The following CD99L2 variants were observed in gnomAD, a reference collection of about 807,000 sequenced individuals.
The protein encoded by CD99L2 is CD99 molecule like 2, also known as CD99 antigen-like protein 2.
A neutral mutation model predicts 27.3 loss-of-function variants in CD99L2; 24 were observed. The observed-to-expected ratio is 0.88, with a 90% CI of 0.64 to 1.24. The LOEUF is 1.24. Ranked by LOEUF, CD99L2 falls within the 50% of genes most tolerant of loss-of-function variation. The pLI, the probability that CD99L2 is intolerant of heterozygous loss-of-function variation, is 0.00. For synonymous variants in CD99L2, 97 were observed against 87.9 expected, an observed-to-expected ratio of 1.10 and a Z score of -0.58; for missense variants, 255 against 221.6, an observed-to-expected ratio of 1.15 and a Z score of -0.96.
intron 9 of CD99L2, among the ~76,000 whole-genome samples, chrX:150,771,522 G>A (rs1557419070): frequency 2.7e-5 from 3 of 111,552 alleles, no homozygotes; most frequent in Non-Finnish European, 3.8e-5. Flanking sequence ...GGCCCTCTAT[G>A]TGCTCCCCAG....
At chrX:150,827,766 G>C (rs999818834) in intron 2 of CD99L2, among the ~76,000 whole-genome samples, 1 of 111,739 alleles carries the variant, frequency 8.9e-6, no homozygotes, top group Admixed American at 9.5e-5. Flanking sequence ...ACTTCTAAGA[G>C]ACTTATACTT....
intron 1 of CD99L2, among the ~76,000 whole-genome samples, chrX:150,891,842 A>C (rs782352339): frequency 8.9e-6 from 1 of 112,035 alleles, no homozygotes; most frequent in Non-Finnish European, 1.9e-5. Flanking sequence ...TCCAGTCTGG[A>C]TTGGGGGACA....
At chrX:150,817,369 CAT>C (rs1302933482) in intron 2 of CD99L2, among the ~76,000 whole-genome samples, 1 of 110,378 alleles carries the variant, frequency 9.1e-6, no homozygotes, top group Non-Finnish European at 1.9e-5. Context: ...ATAAAGTTAA[CAT>C]ATTAAGATCC....
chrX:150,794,690 T>A (rs1422834080), intron 6 of CD99L2, among the ~76,000 whole-genome samples: 1 of 111,452 alleles, frequency 9.0e-6, no homozygotes, highest in Non-Finnish European at 1.9e-5. Context: ...ATCTGAAAAG[T>A]CTGTGAAAAT....
intron 4 of CD99L2, among the ~76,000 whole-genome samples, chrX:150,796,456 TCCTGAATGTGTGTGCAC>T (rs1203811472): frequency 8.9e-6 from 1 of 112,584 alleles, no homozygotes; most frequent in Non-Finnish European, 1.9e-5. Flanking sequence ...GACGTAACAA[TCCTGAATGTGTGTGCAC>T]CTAACAATAG....
At chrX:150,786,472 G>A (rs928633699) in intron 7 of CD99L2, among the ~76,000 whole-genome samples, 1 of 111,352 alleles carries the variant, frequency 9.0e-6, no homozygotes, top group African/African-American at 3.3e-5. Context: ...AGAACATGTG[G>A]TATCTGGTTT....
intron 2 of CD99L2, chrX:150,818,908 T>C (rs2046205432): frequency 5.4e-6 from 2 of 372,592 alleles, no homozygotes; most frequent in African/African-American, 2.6e-5. Flanking sequence ...GGGTTCTTAC[T>C]TTCCTAGAAT....
At chrX:150,777,632 G>A (rs782166170) in intron 7 of CD99L2, 150 bp from the exon 8 acceptor site, 283 of 557,417 alleles carry the variant, frequency 5.1e-4, no homozygotes, top group Non-Finnish European at 7.5e-4. Flanking sequence ...GCTTCTACTG[G>A]ACTGCAATGA....
intron 4 of CD99L2, among the ~76,000 whole-genome samples, chrX:150,808,219 T>C (rs189669546): frequency 6.7e-4 from 75 of 112,748 alleles, no homozygotes; most frequent in African/African-American, 2.4e-3. Context: ...CTGACCTGAA[T>C]GAAAACATAC....
intron 1 of CD99L2, among the ~76,000 whole-genome samples, chrX:150,892,605 CAAAAAAAAAAAAAA>C (rs782464097): frequency 0.026 from 795 of 30,235 alleles, 18 homozygotes; most frequent in African/African-American, 0.086. Context: ...GACTCTGTCT[CAAAAAAAAAAAAAA>C]AAAAAAAAAA....
chrX:150,792,408 C>T (rs2045705153), intron 7 of CD99L2, among the ~76,000 whole-genome samples: 1 of 111,763 alleles, frequency 8.9e-6, no homozygotes, highest in Non-Finnish European at 1.9e-5. Context: ...CTGGATTTGC[C>T]CTTTAAATGT....
chrX:150,822,798 T>C (rs1376070842), intron 2 of CD99L2, among the ~76,000 whole-genome samples: 1 of 112,458 alleles, frequency 8.9e-6, no homozygotes, highest in African/African-American at 3.2e-5. Context: ...AATTTTACAT[T>C]GTATGATTTT....
At chrX:150,776,538 C>T (rs904524871) in intron 8 of CD99L2, among the ~76,000 whole-genome samples, 6 of 111,861 alleles carry the variant, frequency 5.4e-5, no homozygotes, top group Non-Finnish European at 7.5e-5. Flanking sequence ...AAGGGAGACA[C>T]GGAAATGGTG....
chrX:150,793,790 GA>G (rs781802970), intron 6 of CD99L2, 34 bp from the exon 7 acceptor site: 42 of 1,082,629 alleles, frequency 3.9e-5, no homozygotes, highest in East Asian at 9.4e-5. Context: ...TCAACAACAA[GA>G]AAAAAAAATC....
At position 150,807,421 on chromosome X, in the gene CD99L2, C is replaced by T. The variant is rs782165486; in HGVS notation, c.277+7441G>A. Among the ~76,000 whole-genome samples the T allele has an allele frequency of 5.4e-5, 6 of 111,536 alleles. No homozygotes were observed. In the South Asian group the frequency reaches 1.9e-3, roughly 35 times the overall value. ...TTCTCTATGCAGACACTTCTCATGG[C>T]AACATGTTGTAGAAGAAAAGGCCCC... is the stretch of plus-strand genomic sequence containing the variant. On this transcript the variant is annotated intron_variant, in intron 4 of 10. Transcript: ENST00000370377.
At chrX:150,807,282 T>C (rs1348254587) in intron 4 of CD99L2, among the ~76,000 whole-genome samples, 2 of 111,559 alleles carry the variant, frequency 1.8e-5, no homozygotes, top group Non-Finnish European at 3.8e-5. Context: ...TTTTGAGGTA[T>C]TCCAACAACT....
intron 1 of CD99L2, among the ~76,000 whole-genome samples, chrX:150,848,913 C>T (rs1262360331): frequency 9.0e-6 from 1 of 111,209 alleles, no homozygotes; most frequent in African/African-American, 3.3e-5. Context: ...AAGTTTGTCC[C>T]CTGCTGTCGT....
intron 1 of CD99L2, among the ~76,000 whole-genome samples, chrX:150,866,836 G>A (rs1219928859): frequency 9.0e-6 from 1 of 111,310 alleles, no homozygotes; most frequent in Non-Finnish European, 1.9e-5. Context: ...TATGTACAAT[G>A]ATACATCAAT....
chrX:150,816,097 AC>A lies in CD99L2; in HGVS notation c.131-20del, dbSNP rs1205952796. On this transcript the variant is annotated intron_variant, in intron 2 of 10. Coordinates refer to ENST00000370377, the MANE Select transcript of CD99L2 (RefSeq NM_031462.4). ...CATGGCTCTAAAAGGGAGAGGGAGG[AC>A]AGCAAGGGGAGCACGTTTAGTAACA... The A allele has an allele frequency of 5.0e-6, 6 of 1,198,403 alleles. No individual in the cohort carries two copies. Among genetic ancestry groups the A allele is most frequent in the Non-Finnish European group, 6.8e-6 (6 of 885,153 alleles).
Sources: allele counts gnomAD v4.1 joint callset (sites outside exome capture counted in the v4.1 genomes callset), GRCh38; gene constraint gnomAD v4.1.1; transcripts MANE v1.5; gene names NCBI Gene and HGNC (gene_info 2026-07-23, HGNC 2026-07-21).